Variants in NAV1 observed in about 807,000 individuals in gnomAD.
NAV1 encodes the protein neuron navigator 1, also known as pore membrane and/or filament interacting like protein 3.
A neutral mutation model predicts 175.2 loss-of-function variants in NAV1; 18 were observed. That is an observed-to-expected ratio of 0.10 (90% CI 0.07 to 0.15). The LOEUF is 0.15. Ranked by LOEUF, NAV1 falls within the 10% of genes least tolerant of loss-of-function variation. The pLI is 1.00. For missense variants in NAV1, 1,731 were observed against 2,436.6 expected, an observed-to-expected ratio of 0.71 and a Z score of 6.10; for synonymous variants, 897 against 978.7, an observed-to-expected ratio of 0.92 and a Z score of 1.56.
chr1:201,813,314 G>A lies in NAV1; in HGVS notation c.5340+56G>A. The A allele has an allele frequency of 2.6e-6, 3 of 1,145,628 alleles. No individual in the cohort carries two copies. Among genetic ancestry groups the A allele is most frequent in the Middle Eastern group, 2.0e-4 (1 of 5,030 alleles). 71.0% of individuals were successfully genotyped at this position (1,145,628 alleles called of 1,614,324 possible). ...AGATCAGGCTGTCCTACCTAACAAA[G>A]TAGGAATGTTTCTTTAATGTTAGGC... On this transcript the variant is annotated intron_variant, in intron 28 of 29. Coordinates refer to ENST00000367296, the Ensembl canonical transcript of NAV1. This position sits in a 1 kb window ranked among gnomAD's most constrained non-coding sequence, Gnocchi z 4.2.
At chr1:201,545,546 C>A (rs1282546078) in intron 1 of NAV1, among the ~76,000 whole-genome samples, 1 of 152,130 alleles carries the variant, frequency 6.6e-6, no homozygotes, top group African/African-American at 2.4e-5. Flanking sequence ...GGATTACAGG[C>A]GTGAGCCACT....
chr1:201,783,002 C>G lies in NAV1; in HGVS notation c.2357+133C>G, dbSNP rs1676435379. On this transcript the variant is annotated intron_variant, in intron 6 of 29. Coordinates refer to ENST00000367296, the Ensembl canonical transcript of NAV1. ...AGGCCTTTGCATGGCTCTTTCCCAC[C>G]TCTCCCCCATATGCCAAGGTTCTGA... is the stretch of plus-strand genomic sequence containing the variant. The G allele has an allele frequency of 1.7e-5, 12 of 726,828 alleles. No homozygotes were observed. In the South Asian group the frequency reaches 2.5e-4, roughly 15 times the overall value. 45.0% of individuals were successfully genotyped at this position (726,828 alleles called of 1,614,324 possible).
chr1:201,545,173 C>T (rs1422254471), intron 1 of NAV1, among the ~76,000 whole-genome samples: 1 of 151,852 alleles, frequency 6.6e-6, no homozygotes, highest in Non-Finnish European at 1.5e-5. Context: ...CAGTCCTAAC[C>T]TCTTCCTTCT....
chr1:201,723,912 A>C (rs1448673588), intron 3 of NAV1: 1 of 152,248 alleles, frequency 6.6e-6, no homozygotes, highest in East Asian at 1.9e-4. Flanking sequence ...CAAATATTTC[A>C]ACATGTTCTT....
exon 1 of NAV1, chr1:201,623,182 T>C: frequency 1.0e-6 from 1 of 985,830 alleles, no homozygotes; most frequent in Non-Finnish European, 1.2e-6. Flanking sequence ...CAGCTCCCCA[T>C]GGAATAGTCC....
intron 2 of NAV1, among the ~76,000 whole-genome samples, chr1:201,714,118 C>T (rs542827430): frequency 6.6e-6 from 1 of 152,260 alleles, no homozygotes; most frequent in South Asian, 2.1e-4. Context: ...ACCATGTTGG[C>T]CAGGCCAGTC....
chr1:201,660,756 T>C (rs942643114), intron 1 of NAV1, among the ~76,000 whole-genome samples: 1 of 152,214 alleles, frequency 6.6e-6, no homozygotes, highest in African/African-American at 2.4e-5. Flanking sequence ...CACTGAGATA[T>C]TAATCAAGGA....
intron 2 of NAV1, among the ~76,000 whole-genome samples, chr1:201,607,870 T>TTTTGTGTG (rs565100210): frequency 3.3e-4 from 45 of 138,276 alleles, no homozygotes; most frequent in African/African-American, 9.6e-4. Context: ...GATAACTTTA[T>TTTTGTGTG]TGTGTGTGTG....
intron 1 of NAV1, among the ~76,000 whole-genome samples, chr1:201,584,489 T>C (rs183659004): frequency 6.6e-6 from 1 of 152,370 alleles, no homozygotes; most frequent in African/African-American, 2.4e-5. Context: ...GAGATGTGTG[T>C]GCAGACTCTC....
exon 30 of NAV1, chr1:201,821,629 C>T (rs985636734): frequency 1.2e-4 from 19 of 152,070 alleles, no homozygotes; most frequent in Admixed American, 3.9e-4. Context: ...TTATCTAGAC[C>T]TTCGGGATCA....
intron 1 of NAV1, among the ~76,000 whole-genome samples, chr1:201,548,527 C>T (rs1410304105): frequency 6.6e-6 from 1 of 152,074 alleles, no homozygotes; most frequent in African/African-American, 2.4e-5. Flanking sequence ...CACGACTGCA[C>T]TCCAGCCTGG....
At chr1:201,666,458 C>T (rs970445033) in intron 1 of NAV1, among the ~76,000 whole-genome samples, 2 of 152,098 alleles carry the variant, frequency 1.3e-5, no homozygotes, top group South Asian at 2.1e-4. Context: ...TGAGGGCGGT[C>T]GAGCAACTGT....
intron 1 of NAV1, 22 bp from the exon 4 acceptor site, chr1:201,629,382 C>G (rs1037344363): frequency 9.3e-6 from 12 of 1,295,900 alleles, no homozygotes; most frequent in Admixed American, 2.3e-5. Flanking sequence ...CCATGAGTGA[C>G]TACCCTTTCT....
intron 2 of NAV1, among the ~76,000 whole-genome samples, chr1:201,602,309 A>G (rs1429918283): frequency 3.3e-5 from 5 of 152,110 alleles, no homozygotes; most frequent in Non-Finnish European, 7.4e-5. Context: ...TAAAGTTGCA[A>G]TTCGGTTCTT....
chr1:201,635,027 GT>G (rs1190028313), intron 2 of NAV1, among the ~76,000 whole-genome samples: 1 of 151,876 alleles, frequency 6.6e-6, no homozygotes, highest in African/African-American at 2.4e-5. Flanking sequence ...GACAATTTTT[GT>G]TTTGTTTTGT....
At chr1:201,608,415 C>G (rs1667751809) in intron 2 of NAV1, among the ~76,000 whole-genome samples, 1 of 152,198 alleles carries the variant, frequency 6.6e-6, no homozygotes, top group African/African-American at 2.4e-5. Flanking sequence ...TGCTGTAGCT[C>G]TACTTGCTGG....
intron 1 of NAV1, among the ~76,000 whole-genome samples, chr1:201,679,619 T>C (rs1670388512): frequency 6.6e-6 from 1 of 152,226 alleles, no homozygotes; most frequent in African/African-American, 2.4e-5. Context: ...GTCCTCATGA[T>C]AGGCCGACAA....
intron 2 of NAV1, among the ~76,000 whole-genome samples, chr1:201,633,922 A>G (rs1249324045): frequency 1.3e-5 from 2 of 152,354 alleles, no homozygotes; most frequent in East Asian, 3.9e-4. Flanking sequence ...GCAGCAATCT[A>G]GGACCTGGTA....
At chr1:201,779,748 A>G (rs952273770) in intron 3 of NAV1, among the ~76,000 whole-genome samples, 3 of 152,158 alleles carry the variant, frequency 2.0e-5, no homozygotes, top group African/African-American at 4.8e-5. Context: ...TAACAGCAGT[A>G]TCTCCCTAAT....
Sources: gnomAD v4.1 joint callset for allele counts (sites outside exome capture counted in the v4.1 genomes callset) on GRCh38, gnomAD v4.1.1 for gene constraint, Gnocchi (gnomAD v3.1) non-coding constraint, MANE v1.5 for transcripts, NCBI Gene and HGNC (gene_info 2026-07-23, HGNC 2026-07-21) for gene names.